Variants in RBM20 observed in about 807,000 individuals in gnomAD.
The protein encoded by RBM20 is RNA-binding protein 20.
In RBM20, 51 loss-of-function variants were observed where a neutral mutation model predicts 110.1. The observed-to-expected ratio is 0.46, with a 90% confidence interval of 0.37 to 0.59. The LOEUF is 0.59. Ranked by LOEUF, RBM20 falls within the 20% of genes least tolerant of loss-of-function variation. The pLI is 0.00. For synonymous variants in RBM20, 589 were observed against 618.2 expected (o/e 0.95, Z 0.70); for missense variants, 1,512 against 1,574.9 (o/e 0.96, Z 0.68).
intron 1 of RBM20, among the ~76,000 whole-genome samples, chr10:110,674,363 A>G (rs1043175534): frequency 1.3e-5 from 2 of 152,136 alleles, no homozygotes; most frequent in African/African-American, 4.8e-5. Flanking sequence ...TAAAACCAAG[A>G]CTGCTGTTTT....
chr10:110,720,661 A>C (rs4918577), intron 1 of RBM20, among the ~76,000 whole-genome samples: 76 of 86,716 alleles, frequency 8.8e-4, no homozygotes, highest in African/African-American at 5.6e-4. Context: ...CTGCAGCCTG[A>C]TCTCCTAACC....
chr10:110,787,869 C>T (rs1269771348), intron 5 of RBM20, among the ~76,000 whole-genome samples: 1 of 151,918 alleles, frequency 6.6e-6, no homozygotes, highest in Non-Finnish European at 1.5e-5. Flanking sequence ...GGACAGAGAG[C>T]CCCAGTCATT....
At position 110,836,751 on chromosome 10, in the gene RBM20, C is replaced by T. The variant is rs1564670295; in HGVS notation, c.*773C>T. 1 of 152,216 alleles carries T rather than the reference C, an allele frequency of 6.6e-6. No individual in the cohort carries two copies. Among genetic ancestry groups the T allele is most frequent in the East Asian group, 1.9e-4 (1 of 5,200 alleles). The allele number at this position is 152,216 out of a possible 1,614,324, so 9.4% of individuals were successfully genotyped here. A position where few individuals can be genotyped will look rare whatever the true frequency, so the allele number is the denominator to read the frequency against. Reference sequence around the variant, plus strand: ...ATAAGTTTCCTCCAAACTTATTCCCCTCCTCTTGATTTCAGGAGATGTCAG... The same window carrying T: ...ATAAGTTTCCTCCAAACTTATTCCCTTCCTCTTGATTTCAGGAGATGTCAG... On this transcript the variant is annotated 3_prime_UTR_variant, in exon 14 of 14. Transcript: ENST00000369519.
chr10:110,659,779 C>CTCCTCCTCT (rs1405721513), intron 1 of RBM20, among the ~76,000 whole-genome samples: 70 of 149,482 alleles, frequency 4.7e-4, no homozygotes, highest in African/African-American at 1.5e-3. Flanking sequence ...CTTCCTCTTC[C>CTCCTCCTCT]TCCTCCTCTT....
intron 1 of RBM20, among the ~76,000 whole-genome samples, chr10:110,679,374 C>A (rs923314949): frequency 1.3e-5 from 2 of 152,162 alleles, no homozygotes; most frequent in South Asian, 4.2e-4. Flanking sequence ...TAGGCACGAG[C>A]CACCATGCCC....
At chr10:110,747,269 G>T (rs1013685123) in intron 1 of RBM20, among the ~76,000 whole-genome samples, 2 of 145,432 alleles carry the variant, frequency 1.4e-5, no homozygotes, top group African/African-American at 2.5e-5. Context: ...GAGAAAAGTT[G>T]AGCATTGATT....
intron 1 of RBM20, among the ~76,000 whole-genome samples, chr10:110,650,285 T>G (rs1861927605): frequency 6.6e-6 from 1 of 152,252 alleles, no homozygotes; most frequent in Non-Finnish European, 1.5e-5. Context: ...CCACAGCTCC[T>G]GATGGATTTT....
At chr10:110,756,315 T>C (rs1564836233) in intron 1 of RBM20, 1 of 152,226 alleles carries the variant, frequency 6.6e-6, no homozygotes, top group Non-Finnish European at 1.5e-5. Flanking sequence ...AAACACTTAA[T>C]GGACTTCTCC....
rs764748114 is a variant in RBM20 at position 110,837,755 on chromosome 10, T to C, written c.*1777T>C. On this transcript the variant is annotated 3_prime_UTR_variant, in exon 14 of 14. Transcript: ENST00000369519. ...TGTAAACCTGAAAGCACGCAGTCAT[T>C]GGCAAGGGACAGGCTCATGGGAGCT... 1 of 152,176 alleles carries C rather than the reference T, an allele frequency of 6.6e-6. No homozygotes were observed. Among genetic ancestry groups the C allele is most frequent in the African/African-American group, 2.4e-5 (1 of 41,424 alleles). 9.4% of individuals were successfully genotyped at this position (152,176 alleles called of 1,614,324 possible). A position where few individuals can be genotyped will look rare whatever the true frequency, so the allele number is the denominator to read the frequency against.
Position 110,686,253 on chromosome 10 carries a change from A to T in RBM20, c.191+41608A>T, listed in dbSNP as rs116208052. Among the ~76,000 whole-genome samples the T allele has an allele frequency of 3.7e-3, 568 of 151,824 alleles. 4 individuals are homozygous for T. Among genetic ancestry groups the T allele is most frequent in the African/African-American group, 0.013 (531 of 41,360 alleles). On this transcript the variant is annotated intron_variant, in intron 1 of 13. Transcript: ENST00000369519. ...CTCACTCCCAGATCTTACTTTCCTTACTCTTTATTATTACTATTTATTTAT... is the reference window on the plus strand; with the variant it reads ...CTCACTCCCAGATCTTACTTTCCTTTCTCTTTATTATTACTATTTATTTAT...
At chr10:110,721,573 C>CGT in intron 1 of RBM20, among the ~76,000 whole-genome samples, 1 of 152,100 alleles carries the variant, frequency 6.6e-6, no homozygotes, top group African/African-American at 2.4e-5. Context: ...CTGCACTGAC[C>CGT]GTGCCTTTTC....
chr10:110,651,861 G>C (rs1281730328), intron 1 of RBM20, among the ~76,000 whole-genome samples: 1 of 152,172 alleles, frequency 6.6e-6, no homozygotes, highest in African/African-American at 2.4e-5. Context: ...GGCGCTGTGG[G>C]GCCAGTGCTG....
chr10:110,819,724 C>T (rs542530770), intron 9 of RBM20, among the ~76,000 whole-genome samples: 2 of 152,094 alleles, frequency 1.3e-5, no homozygotes, highest in South Asian at 4.1e-4. Context: ...GGGTCTTGGC[C>T]GGCCCAAGTC....
At chr10:110,713,067 C>T (rs569553568) in intron 1 of RBM20, among the ~76,000 whole-genome samples, 1 of 152,312 alleles carries the variant, frequency 6.6e-6, no homozygotes, top group African/African-American at 2.4e-5. Flanking sequence ...CTGTCCACTC[C>T]CTCAGTGCTT....
At chr10:110,705,266 AC>A (rs1862819003) in intron 1 of RBM20, among the ~76,000 whole-genome samples, 1 of 151,772 alleles carries the variant, frequency 6.6e-6, no homozygotes, top group Non-Finnish European at 1.5e-5. Context: ...TTCAATAAAA[AC>A]CATGCAGTCA....
At chr10:110,679,460 A>G (rs904276803) in intron 1 of RBM20, among the ~76,000 whole-genome samples, 1 of 152,142 alleles carries the variant, frequency 6.6e-6, no homozygotes, top group African/African-American at 2.4e-5. Context: ...GCCTCAAGCA[A>G]TCCTCCTGCC....
At chr10:110,787,288 G>A (rs1050829907) in intron 5 of RBM20, among the ~76,000 whole-genome samples, 1 of 152,234 alleles carries the variant, frequency 6.6e-6, no homozygotes. Context: ...CCAGACAGTG[G>A]GAGCAAGGCT....
At chr10:110,798,012 C>T (rs1182734261) in intron 6 of RBM20, among the ~76,000 whole-genome samples, 3 of 152,188 alleles carry the variant, frequency 2.0e-5, no homozygotes, top group Non-Finnish European at 4.4e-5. Context: ...ATCCTCTAAG[C>T]CTCTCCTATC....
chr10:110,718,005 T>C (rs570376399), intron 1 of RBM20, among the ~76,000 whole-genome samples: 60 of 152,290 alleles, frequency 3.9e-4, no homozygotes, highest in African/African-American at 1.4e-3. Context: ...GGGCATCTGT[T>C]CTGTTTGACA....
Sources: allele counts gnomAD v4.1 joint callset (sites outside exome capture counted in the v4.1 genomes callset), GRCh38; gene constraint gnomAD v4.1.1; transcripts MANE v1.5; gene names NCBI Gene and HGNC (gene_info 2026-07-23, HGNC 2026-07-21).